Variants in MEGF6 observed in about 807,000 individuals in gnomAD.
The protein encoded by MEGF6 is multiple epidermal growth factor-like domains protein 6.
In MEGF6, 184 loss-of-function variants were observed where a neutral mutation model predicts 207.1. That is an observed-to-expected ratio of 0.89 (90% CI 0.79 to 1.00). MEGF6 has a LOEUF of 1.00. MEGF6 is among the 50% of genes least tolerant of loss of function. The probability of loss-of-function intolerance (pLI) is 0.00; values close to 1 mark genes in which losing one functional copy is unlikely to be tolerated. For synonymous variants in MEGF6, 1,038 were observed against 910.0 expected, an observed-to-expected ratio of 1.14 and a Z score of -2.53; for missense variants, 2,282 against 2,202.9, an observed-to-expected ratio of 1.04 and a Z score of -0.72.
At chr1:3,522,981 C>G (rs1570044045) in intron 5 of MEGF6, among the ~76,000 whole-genome samples, 1 of 152,300 alleles carries the variant, frequency 6.6e-6, no homozygotes, top group South Asian at 2.1e-4. Flanking sequence ...CACATCACAA[C>G]ATTCCTGCAT....
At chr1:3,612,971 C>G (rs1472583278), upstream of MEGF6, among the ~76,000 whole-genome samples, 3 of 152,194 alleles carry the variant, frequency 2.0e-5, no homozygotes, top group Non-Finnish European at 4.4e-5. Context: ...AACTGCAGAT[C>G]CGGGAACTGA....
chr1:3,497,479 G>A (rs2100880662), intron 26 of MEGF6, 118 bp from the exon 27 acceptor site: 1 of 1,277,252 alleles, frequency 7.8e-7, no homozygotes, highest in Admixed American at 2.8e-5. Flanking sequence ...CTGAACTGGG[G>A]GCTGTGCTCA....
chr1:3,499,452 A>C, intron 23 of MEGF6, 136 bp downstream of exon 23: 2 of 1,430,940 alleles, frequency 1.4e-6, no homozygotes, highest in Admixed American at 2.2e-5. Flanking sequence ...CTCTGGCCCG[A>C]GTGAGCAAAG....
At position 3,506,227 on chromosome 1, in the gene MEGF6, T is replaced by C. The variant is rs865850257; in HGVS notation, c.1799A>G (p.Lys600Arg). The change falls in exon 15 of 37, where the codon AAG (lysine) becomes AGG (arginine). Residue 600 changes from lysine (K) to arginine (R), a missense_variant. Physicochemically the swap from Lys to Arg is conservative, Grantham distance 26. Coordinates refer to ENST00000356575, the MANE Select transcript of MEGF6 (RefSeq NM_001409.4). Reference sequence around the variant, plus strand: ...GCGACAGTGCTTGCCATAGTAGCCCTTGGGGCAGCCTGGGGGCAGCGGGGC... The same window carrying C: ...GCGACAGTGCTTGCCATAGTAGCCCCTGGGGCAGCCTGGGGGCAGCGGGGC... ...SGTNCEDGCPKGYYGKHCRKK... is the reference protein window; with the variant it reads ...SGTNCEDGCPRGYYGKHCRKK... 5 of 1,609,170 alleles carry C rather than the reference T, an allele frequency of 3.1e-6. No homozygotes were observed. Among genetic ancestry groups the C allele is most frequent in the Non-Finnish European group, 4.2e-6 (5 of 1,178,460 alleles).
intron 3 of MEGF6, among the ~76,000 whole-genome samples, chr1:3,582,075 G>A (rs780586646): frequency 3.3e-5 from 5 of 152,192 alleles, no homozygotes; most frequent in South Asian, 2.1e-4. Context: ...TGACTCTGCC[G>A]GCGGAGAGGG....
chr1:3,514,466 C>G, intron 7 of MEGF6, 84 bp downstream of exon 7: 1 of 1,466,858 alleles, frequency 6.8e-7, no homozygotes, highest in Non-Finnish European at 9.1e-7. Flanking sequence ...GGCCACGGCC[C>G]CAGAGTTAGA....
At chr1:3,602,632 G>T (rs143678650) in intron 1 of MEGF6, 32 bp from the exon 2 acceptor site, 43 of 1,578,262 alleles carry the variant, frequency 2.7e-5, no homozygotes, top group Non-Finnish European at 3.5e-5. Context: ...TCAGCGCCTC[G>T]GCCACCCCCA....
In MEGF6 at chr1:3,556,027, C is replaced by T. The variant is rs1643021271; in HGVS notation, c.481+23798G>A. 6.6e-6 allele frequency among the ~76,000 whole-genome samples: 1 copy of T among 152,224 alleles called. No individual in the cohort carries two copies. Among genetic ancestry groups the T allele is most frequent in the South Asian group, 2.1e-4 (1 of 4,832 alleles). ...AGGACTCACGGGATCCTGGCTGGCC[C>T]TGGAACCAGCTGGAGTCCGTGGCCA... is the stretch of plus-strand genomic sequence containing the variant. On this transcript the variant is annotated intron_variant, in intron 4 of 36. Coordinates refer to ENST00000356575, the MANE Select transcript of MEGF6 (RefSeq NM_001409.4). This position sits in a 1 kb window ranked among gnomAD's most constrained non-coding sequence, Gnocchi z 4.4.
rs934910256 is a variant in MEGF6, at chr1:3,594,658, T to C, written c.376+680A>G. Among the ~76,000 whole-genome samples the C allele has an allele frequency of 3.9e-5, 6 of 152,134 alleles. 1 individual carries two copies. The highest frequency in any genetic ancestry group is 7.2e-5 in the African/African-American group (3 of 41,436). The stretch of plus-strand genomic sequence containing the variant: ...CTGGCGGGGCTTCTGTCCCCATGCC[T>C]GAAACCCTTCCCAAACATCTCTGTA... On this transcript the variant is annotated intron_variant, in intron 3 of 36. Coordinates refer to ENST00000356575, the MANE Select transcript of MEGF6 (RefSeq NM_001409.4). This position sits in a 1 kb window ranked among gnomAD's most constrained non-coding sequence, Gnocchi z 4.2.
At chr1:3,616,320 G>A (rs544206630), upstream of MEGF6, among the ~76,000 whole-genome samples, 143 of 152,346 alleles carry the variant, frequency 9.4e-4, no homozygotes, top group Non-Finnish European at 1.7e-3. Context: ...CATTTCTCCT[G>A]ATAGGAGAGT....
chr1:3,491,452 C>G (rs1357846139), intron 35 of MEGF6, among the ~76,000 whole-genome samples: 1 of 152,068 alleles, frequency 6.6e-6, no homozygotes, highest in Non-Finnish European at 1.5e-5. Flanking sequence ...GCTGCTGCCC[C>G]GCCCCTCCTC....
At chr1:3,596,573 GCGC>G (rs1644070177) in intron 2 of MEGF6, among the ~76,000 whole-genome samples, 2 of 82,770 alleles carry the variant, frequency 2.4e-5, no homozygotes, top group African/African-American at 9.6e-5. Context: ...AGGGCACCCC[GCGC>G]CATCCCCTGC....
At chr1:3,619,609 G>A in the MEGF6 span, among the ~76,000 whole-genome samples, 3 of 41,146 alleles carry the variant, frequency 7.3e-5, no homozygotes, top group African/African-American at 2.5e-4. Flanking sequence ...GGCACTTCCC[G>A]CCCCCGTCAC....
In MEGF6 at chr1:3,509,163, C is replaced by T. The variant is rs199865596; in HGVS notation, c.1440G>A (p.Glu480=). The T allele has an allele frequency of 6.3e-7, 1 of 1,583,908 alleles. No individual in the cohort carries two copies. Among genetic ancestry groups the T allele is most frequent in the African/African-American group, 1.4e-5 (1 of 73,968 alleles). ...PLPHIAVLQD[E]LPQLFQDDDV... is the part of the protein sequence containing the mutation. ...CGTCATCCTGGAAGAGTTGCGGCAG[C>T]TCGTCCTGGAGCACGGCAATGTGGG... Residue 480 remains glutamate (E), a synonymous_variant, in exon 12 of 37, where the codon GAG becomes GAA. Coordinates refer to ENST00000356575, the MANE Select transcript of MEGF6 (RefSeq NM_001409.4).
intron 1 of MEGF6, among the ~76,000 whole-genome samples, chr1:3,606,783 G>A (rs116322924): frequency 1.6e-4 from 24 of 152,280 alleles, no homozygotes; most frequent in African/African-American, 5.5e-4. Context: ...ATAAAAAAAC[G>A]GAAGCCGGGG....
In MEGF6 at chr1:3,501,773, CTG is replaced by C. The variant is rs751458435; in HGVS notation, c.2314+21_2314+22del. 3.7e-5 allele frequency: 59 copies of C among 1,608,398 alleles called. No individual in the cohort carries two copies. The African/African-American group carries it at 7.1e-4, about 19-fold the overall frequency. ...AGCCGTGCAGCCTGGGGAGGCGGAACTGGGGCTGCGGCTGACACTCACCTGCC... is the reference window on the plus strand; with the variant it reads ...AGCCGTGCAGCCTGGGGAGGCGGAACGGGCTGCGGCTGACACTCACCTGCC... On this transcript the variant is annotated intron_variant, in intron 18 of 36. Transcript: ENST00000356575.
At chr1:3,514,406 C>T (rs2101077575) in intron 7 of MEGF6, 144 bp downstream of exon 7, 1 of 1,080,178 alleles carries the variant, frequency 9.3e-7, no homozygotes, top group South Asian at 1.9e-5. Flanking sequence ...GAGACCGCCA[C>T]ATCCCAGGTC....
chr1:3,577,124 AC>A (rs1201476594), intron 4 of MEGF6, among the ~76,000 whole-genome samples: 4 of 152,090 alleles, frequency 2.6e-5, no homozygotes, highest in Non-Finnish European at 4.4e-5. Context: ...GGCTCTGCAC[AC>A]CCAGCCTCCA....
rs985584342 is a variant in MEGF6, at chr1:3,501,850, C to A, written c.2260G>T (p.Val754Phe). ...GGCGGACACCGGCACTGCCCCGTGA[C>A]CCCGTGGCAGGGGGCCCCCCCACAG... ...CSCGGAPCHG[V>F]TGQCRCPPGR... is the part of the protein sequence containing the mutation. The change falls in exon 18 of 37, where the codon GTC becomes TTC. Residue 754 changes from valine (V) to phenylalanine (F), a missense_variant. Val to Phe is a conservative substitution (Grantham distance 50). Coordinates refer to ENST00000356575, the MANE Select transcript of MEGF6 (RefSeq NM_001409.4). 4 of 1,608,178 alleles carry A rather than the reference C, an allele frequency of 2.5e-6. No individual in the cohort carries two copies. The highest frequency in any genetic ancestry group is 2.5e-6 in the Non-Finnish European group (3 of 1,178,474).
Sources: gnomAD v4.1 joint callset for allele counts (sites outside exome capture counted in the v4.1 genomes callset) on GRCh38, gnomAD v4.1.1 for gene constraint, Gnocchi (gnomAD v3.1) non-coding constraint, MANE v1.5 for transcripts, NCBI Gene and HGNC (gene_info 2026-07-23, HGNC 2026-07-21) for gene names.